Variants in POT1 observed in about 807,000 individuals in gnomAD.
The protein encoded by POT1 is protection of telomeres 1.
Under a neutral mutation model 78.5 loss-of-function variants are expected in POT1, and 47 were observed. That is an observed-to-expected ratio of 0.60 (90% CI 0.47 to 0.76). The LOEUF (loss-of-function observed/expected upper bound fraction) is 0.76, where lower values mean the gene tolerates loss of function less well. Among genes scored for constraint, POT1 ranks in the 30% least tolerant of loss-of-function variants. The probability of loss-of-function intolerance (pLI) is 0.00; values close to 1 mark genes in which losing one functional copy is unlikely to be tolerated. For synonymous variants in POT1, 259 were observed against 260.7 expected (o/e 0.99, Z 0.06); for missense variants, 646 against 749.9 (o/e 0.86, Z 1.62).
In POT1 at chr7:124,823,892, G is replaced by T; in HGVS notation, c.*70C>A. ...TCAACATTGCTGATACAAAACTCAG[G>T]TCAGGAAAAGAAGCTCAAACAGGGA... On this transcript the variant is annotated 3_prime_UTR_variant, in exon 19 of 19. Transcript: ENST00000357628. 1 of 968,640 alleles carries T rather than the reference G, an allele frequency of 1.0e-6. No homozygotes were observed. The highest frequency in any genetic ancestry group is 1.6e-6 in the Non-Finnish European group (1 of 613,104). 60.0% of individuals were successfully genotyped at this position (968,640 alleles called of 1,614,324 possible). A position where few individuals can be genotyped will look rare whatever the true frequency, so the allele number is the denominator to read the frequency against.
At chr7:124,905,065 C>A (rs1162296908) in intron 3 of POT1, among the ~76,000 whole-genome samples, 1 of 152,180 alleles carries the variant, frequency 6.6e-6, no homozygotes, top group African/African-American at 2.4e-5. Context: ...AATGGCCATA[C>A]TGCCCAAGGT....
intron 7 of POT1, among the ~76,000 whole-genome samples, chr7:124,865,800 G>A (rs187763659): frequency 1.5e-4 from 22 of 151,624 alleles, no homozygotes; most frequent in Non-Finnish European, 2.8e-4. Context: ...TTGACCTCCC[G>A]GGCTCAAGGG....
chr7:124,864,040 A>G (rs909767048), intron 7 of POT1, among the ~76,000 whole-genome samples: 10 of 152,170 alleles, frequency 6.6e-5, no homozygotes, highest in African/African-American at 2.4e-4. Flanking sequence ...GAAATATGAG[A>G]ATATAAAGTG....
intron 8 of POT1, 44 bp downstream of exon 8, chr7:124,863,306 T>C: frequency 1.3e-6 from 2 of 1,544,274 alleles, no homozygotes; most frequent in Non-Finnish European, 1.8e-6. Flanking sequence ...TACAGACATG[T>C]AAGTGGTGCT....
intron 3 of POT1, chr7:124,900,698 G>A (rs1227376272): frequency 9.2e-6 from 2 of 216,610 alleles, no homozygotes; most frequent in Non-Finnish European, 2.1e-5. Context: ...GCAGGGCAGG[G>A]CATCGCCTCA....
intron 12 of POT1, among the ~76,000 whole-genome samples, chr7:124,843,731 T>C (rs543355617): frequency 6.6e-6 from 1 of 152,234 alleles, no homozygotes; most frequent in Non-Finnish European, 1.5e-5. Flanking sequence ...TTGCTATACA[T>C]TCTAGCTTAA....
intron 3 of POT1, among the ~76,000 whole-genome samples, chr7:124,914,789 T>G (rs1185687498): frequency 6.6e-6 from 1 of 152,212 alleles, no homozygotes; most frequent in Admixed American, 6.5e-5. Flanking sequence ...TTTGCCATTT[T>G]ATATAAGACT....
At chr7:124,841,752 G>A (rs577059965) in intron 13 of POT1, among the ~76,000 whole-genome samples, 12 of 151,988 alleles carry the variant, frequency 7.9e-5, no homozygotes, top group African/African-American at 2.9e-4. Context: ...GACAGTTTCC[G>A]TTAATTTCTG....
chr7:124,897,071 C>A, intron 5 of POT1, 94 bp downstream of exon 5: 1 of 694,328 alleles, frequency 1.4e-6, no homozygotes, highest in South Asian at 3.7e-5. Flanking sequence ...TATCAGACTA[C>A]AAAGTGGACT....
intron 17 of POT1, 54 bp downstream of exon 17, chr7:124,827,159 AT>A: frequency 1.9e-6 from 2 of 1,080,796 alleles, no homozygotes; most frequent in South Asian, 2.4e-5. Flanking sequence ...AATGTATTCA[AT>A]TTTTTAAATA....
At chr7:124,829,686 T>C (rs1324522096) in intron 15 of POT1, among the ~76,000 whole-genome samples, 1 of 150,644 alleles carries the variant, frequency 6.6e-6, no homozygotes, top group Non-Finnish European at 1.5e-5. Flanking sequence ...CTCTAAGAAT[T>C]CTCTGATTCT....
intron 6 of POT1, among the ~76,000 whole-genome samples, chr7:124,889,220 G>A (rs555506505): frequency 1.2e-4 from 18 of 151,996 alleles, no homozygotes; most frequent in Admixed American, 2.0e-4. Flanking sequence ...AATTTTAGTC[G>A]TCTGCATAGA....
intron 11 of POT1, among the ~76,000 whole-genome samples, chr7:124,851,281 C>T (rs1052328807): frequency 4.6e-5 from 7 of 151,770 alleles, no homozygotes; most frequent in Non-Finnish European, 1.0e-4. Flanking sequence ...CCAGCCTGGT[C>T]GCCAGAGCAA....
chr7:124,825,939 A>G (rs1241457846), intron 17 of POT1, among the ~76,000 whole-genome samples: 1 of 152,314 alleles, frequency 6.6e-6, no homozygotes, highest in African/African-American at 2.4e-5. Context: ...TTTTAACTTT[A>G]CCCTAAGAGA....
At chr7:124,916,204 G>A (rs1251762329) in intron 2 of POT1, among the ~76,000 whole-genome samples, 2 of 152,056 alleles carry the variant, frequency 1.3e-5, no homozygotes, top group Non-Finnish European at 2.9e-5. Flanking sequence ...TTTAAAAATA[G>A]ATCCTATTAG....
intron 6 of POT1, among the ~76,000 whole-genome samples, chr7:124,887,230 G>T (rs1307415808): frequency 1.3e-5 from 2 of 151,966 alleles, no homozygotes; most frequent in East Asian, 1.9e-4. Context: ...GAGAATATTT[G>T]AAAAATAGGT....
intron 11 of POT1, among the ~76,000 whole-genome samples, chr7:124,847,950 G>C (rs1244660589): frequency 6.6e-6 from 1 of 151,926 alleles, no homozygotes; most frequent in Non-Finnish European, 1.5e-5. Context: ...CCATCTAATA[G>C]GAAAAAGGAA....
intron 3 of POT1, among the ~76,000 whole-genome samples, chr7:124,901,802 C>T (rs1796626903): frequency 6.6e-6 from 1 of 152,040 alleles, no homozygotes; most frequent in Non-Finnish European, 1.5e-5. Flanking sequence ...AGACGAATGG[C>T]TAACTAGAAT....
chr7:124,863,311 G>A, intron 8 of POT1, 39 bp downstream of exon 8: 2 of 1,553,284 alleles, frequency 1.3e-6, no homozygotes, highest in Non-Finnish European at 1.8e-6. Flanking sequence ...ACATGTAAGT[G>A]GTGCTAACTT....
Sources: allele counts gnomAD v4.1 joint callset (sites outside exome capture counted in the v4.1 genomes callset), GRCh38; gene constraint gnomAD v4.1.1; transcripts MANE v1.5; gene names NCBI Gene and HGNC (gene_info 2026-07-23, HGNC 2026-07-21).